The following EPHA5 variants were observed in gnomAD, a reference collection of about 807,000 sequenced individuals.
The protein encoded by EPHA5 is ephrin type-A receptor 5.
A neutral mutation model predicts 105.0 loss-of-function variants in EPHA5; 60 were observed. That is an observed-to-expected ratio of 0.57 (90% CI 0.46 to 0.71). The LOEUF is 0.71. EPHA5 is among the 30% of genes least tolerant of loss of function. The probability of loss-of-function intolerance (pLI) is 0.00; values close to 1 mark genes in which losing one functional copy is unlikely to be tolerated. For missense variants in EPHA5, 1,218 were observed against 1,274.7 expected, an observed-to-expected ratio of 0.96 and a Z score of 0.68; for synonymous variants, 513 against 449.1, an observed-to-expected ratio of 1.14 and a Z score of -1.80.
At chr4:65,547,788 A>T (rs1445151047) in intron 3 of EPHA5, among the ~76,000 whole-genome samples, 1 of 152,010 alleles carries the variant, frequency 6.6e-6, no homozygotes. Context: ...ACTCAATGAC[A>T]GGGGCTGGAG....
chr4:65,523,013 A>G lies in EPHA5; in HGVS notation c.911-27470T>C, dbSNP rs60036208. Among the ~76,000 whole-genome samples, 232 of 152,054 alleles carry G rather than the reference A, an allele frequency of 1.5e-3. 2 individuals carry two copies. Among genetic ancestry groups the G allele is most frequent in the African/African-American group, 5.3e-3 (222 of 41,516 alleles). The stretch of plus-strand genomic sequence containing the variant: ...AGGTACAAAGAAAAATCATCGTCAA[A>G]TGGCTGCTAATATAGGATCAGTCAG... On this transcript the variant is annotated intron_variant, in intron 3 of 16. Transcript: ENST00000613740.
chr4:65,546,107 A>T (rs1737345594), intron 3 of EPHA5, among the ~76,000 whole-genome samples: 1 of 151,944 alleles, frequency 6.6e-6, no homozygotes, highest in Non-Finnish European at 1.5e-5. Flanking sequence ...TCATTGGATG[A>T]CCTCTGTTCC....
chr4:65,436,526 T>A (rs1473005764), intron 5 of EPHA5, among the ~76,000 whole-genome samples: 1 of 151,990 alleles, frequency 6.6e-6, no homozygotes, highest in Non-Finnish European at 1.5e-5. Context: ...GAAGTACTGA[T>A]GGAACAATTC....
rs1302211375 is a variant in EPHA5, at chr4:65,365,047, T to C, written c.2143A>G (p.Ile715Val). The C allele has an allele frequency of 1.9e-6, 3 of 1,611,576 alleles. No homozygotes were observed. The highest frequency in any genetic ancestry group is 1.7e-6 in the Non-Finnish European group (2 of 1,178,250). ...SIMGQFDHPNIIHLEGVVTKS... is the reference protein window; with the variant it reads ...SIMGQFDHPNVIHLEGVVTKS... The stretch of plus-strand genomic sequence containing the variant: ...GTCACCACACCTTCTAAATGGATGA[T>C]GTTAGGATGATCAAACTGTCCCATG... Residue 715 changes from isoleucine (I) to valine (V), a missense_variant, in exon 11 of 17, where the codon ATC (isoleucine) becomes GTC (valine). Ile to Val is a conservative substitution (Grantham distance 29). Transcript: ENST00000613740.
At chr4:65,328,068 T>C (rs1224405329) in intron 16 of EPHA5, among the ~76,000 whole-genome samples, 1 of 151,246 alleles carries the variant, frequency 6.6e-6, no homozygotes, top group Non-Finnish European at 1.5e-5. Context: ...CTACACAATG[T>C]CTTAAGTATG....
intron 3 of EPHA5, among the ~76,000 whole-genome samples, chr4:65,598,909 A>G (rs934274046): frequency 1.7e-4 from 26 of 152,140 alleles, no homozygotes; most frequent in African/African-American, 5.5e-4. Flanking sequence ...CAGCCTCTTA[A>G]TGATAAAACT....
chr4:65,484,600 C>A (rs1324837231), intron 5 of EPHA5, among the ~76,000 whole-genome samples: 1 of 152,058 alleles, frequency 6.6e-6, no homozygotes, highest in Non-Finnish European at 1.5e-5. Flanking sequence ...TAAAATGTGT[C>A]TGTTTCGGCC....
At chr4:65,594,655 T>C (rs1003256062) in intron 3 of EPHA5, among the ~76,000 whole-genome samples, 2 of 152,182 alleles carry the variant, frequency 1.3e-5, no homozygotes, top group Non-Finnish European at 2.9e-5. Context: ...TTCTTCTGTC[T>C]TTTCTTTCAT....
intron 3 of EPHA5, among the ~76,000 whole-genome samples, chr4:65,498,121 T>G (rs958907872): frequency 5.3e-5 from 8 of 151,918 alleles, no homozygotes; most frequent in African/African-American, 1.9e-4. Flanking sequence ...TATCCGTACC[T>G]TAAAGGGAGA....
chr4:65,425,215 C>T (rs9985975), intron 5 of EPHA5, among the ~76,000 whole-genome samples: 5,676 of 151,972 alleles, frequency 0.037, 149 homozygotes, highest in East Asian at 0.097. Context: ...AACTGAAGTC[C>T]CTACACGTCA....
chr4:65,501,777 T>C (rs934835265), intron 3 of EPHA5, among the ~76,000 whole-genome samples: 1 of 150,412 alleles, frequency 6.6e-6, no homozygotes, highest in African/African-American at 2.4e-5. Context: ...GGAAACAAAA[T>C]GCGCCCAAAT....
At chr4:65,407,497 AAAAGAC>A (rs1722471786) in intron 7 of EPHA5, among the ~76,000 whole-genome samples, 2 of 113,286 alleles carry the variant, frequency 1.8e-5, no homozygotes, top group South Asian at 8.1e-4. Context: ...AATGACATTC[AAAAGAC>A]TGTTAAAATG....
At chr4:65,615,516 C>G (rs1240289183) in intron 2 of EPHA5, among the ~76,000 whole-genome samples, 1 of 151,824 alleles carries the variant, frequency 6.6e-6, no homozygotes, top group Non-Finnish European at 1.5e-5. Flanking sequence ...AAAAACAATA[C>G]TATCAACCAA....
chr4:65,451,821 A>T (rs1727096360), intron 5 of EPHA5, among the ~76,000 whole-genome samples: 2 of 152,158 alleles, frequency 1.3e-5, no homozygotes, highest in Admixed American at 6.6e-5. Context: ...AAGAGGAAGG[A>T]TGAATGTGAC....
At chr4:65,617,549 A>G (rs1319698595) in intron 2 of EPHA5, among the ~76,000 whole-genome samples, 2 of 152,124 alleles carry the variant, frequency 1.3e-5, no homozygotes, top group East Asian at 3.9e-4. Flanking sequence ...CTTTTGAATA[A>G]CAATTACTTA....
chr4:65,367,290 A>G (rs1718003625), intron 9 of EPHA5, 67 bp downstream of exon 9: 1 of 1,372,848 alleles, frequency 7.3e-7, no homozygotes, highest in African/African-American at 1.4e-5. Context: ...GTAGCCTGAA[A>G]AGAAACTTAA....
At chr4:65,651,790 A>G (rs541259997) in intron 1 of EPHA5, among the ~76,000 whole-genome samples, 51 of 152,298 alleles carry the variant, frequency 3.3e-4, no homozygotes, top group Non-Finnish European at 3.7e-4. Context: ...CGAAATGTAT[A>G]CCAAGTGTTT....
chr4:65,495,552 A>T lies in EPHA5; in HGVS notation c.911-9T>A, dbSNP rs1464405224. 6.2e-7 allele frequency: 1 copy of T among 1,601,588 alleles called. No homozygotes were observed. Among genetic ancestry groups the T allele is most frequent in the East Asian group, 2.2e-5 (1 of 44,632 alleles). The stretch of plus-strand genomic sequence containing the variant: ...GAACCCAGGTCTGCACACTGTCAAA[A>T]GAAATAAGAGACTAAGCTTTTCCCT... On this transcript the variant is annotated splice_polypyrimidine_tract_variant and intron_variant, in intron 3 of 16. Transcript: ENST00000613740.
At chr4:65,597,645 T>G (rs952782389) in intron 3 of EPHA5, among the ~76,000 whole-genome samples, 3 of 152,102 alleles carry the variant, frequency 2.0e-5, no homozygotes, top group African/African-American at 4.8e-5. Context: ...TATAGAAAAT[T>G]TAGGCATATA....
Sources: gnomAD v4.1 joint callset for allele counts (sites outside exome capture counted in the v4.1 genomes callset) on GRCh38, gnomAD v4.1.1 for gene constraint, MANE v1.5 for transcripts, NCBI Gene and HGNC (gene_info 2026-07-23, HGNC 2026-07-21) for gene names.